Variants in PHACTR2 observed in about 807,000 individuals in gnomAD.
The protein encoded by PHACTR2 is phosphatase and actin regulator 2.
Under a neutral mutation model 76.0 loss-of-function variants are expected in PHACTR2, and 30 were observed. That is an observed-to-expected ratio of 0.39 (90% CI 0.30 to 0.54). The LOEUF (loss-of-function observed/expected upper bound fraction) is 0.54. Among genes scored for constraint, PHACTR2 ranks in the 20% least tolerant of loss-of-function variants. The pLI is 0.61. For missense variants in PHACTR2, 696 were observed against 781.1 expected (o/e 0.89, Z 1.30); for synonymous variants, 292 against 292.5 (o/e 1.00, Z 0.02).
chr6:143,740,710 A>T (rs1360295074), intron 2 of PHACTR2, among the ~76,000 whole-genome samples: 2 of 152,164 alleles, frequency 1.3e-5, no homozygotes, highest in Non-Finnish European at 2.9e-5. Context: ...CTACCATTTT[A>T]AAAATACCCA....
rs550612310 is a variant in PHACTR2, at chr6:143,794,964, C to T, written c.1845+6054C>T. Among the ~76,000 whole-genome samples the T allele has an allele frequency of 2.1e-3, 319 of 152,248 alleles. 2 individuals carry two copies. The highest frequency in any genetic ancestry group is 6.8e-3 in the Middle Eastern group (2 of 294). ...CAATCAGTCAGTAATTAATCAATGC[C>T]TCTCCTTTCTGTGAAGGAGGAAGGC... On this transcript the variant is annotated intron_variant, in intron 11 of 12. Coordinates refer to ENST00000440869, the MANE Select transcript of PHACTR2 (RefSeq NM_001100164.2). The surrounding 1 kb of genome is among the most constrained non-coding windows in gnomAD (Gnocchi z 4.1).
chr6:143,710,840 G>A lies in PHACTR2; in HGVS notation c.47-1176G>A, dbSNP rs1285543866. 2.0e-5 allele frequency among the ~76,000 whole-genome samples: 3 copies of A among 152,118 alleles called. No individual in the cohort carries two copies. The highest frequency in any genetic ancestry group is 7.2e-5 in the African/African-American group (3 of 41,430). ...GAGAAGATAAAAGAATTGGTATCAC[G>A]CCTCATATGCGTATCTACCAGCTGG... On this transcript the variant is annotated intron_variant, in intron 1 of 12. Transcript: ENST00000440869. This position sits in a 1 kb window ranked among gnomAD's most constrained non-coding sequence, Gnocchi z 4.9.
chr6:143,571,326 T>C lies in PHACTR2; in HGVS notation c.217+34119T>C, dbSNP rs1230747532. On this transcript the variant is annotated intron_variant, in intron 1 of 11. Coordinates refer to the PHACTR2 transcript ENST00000367584. The surrounding 1 kb of genome is among the most constrained non-coding windows in gnomAD (Gnocchi z 4.6). ...TACTACAATGAAGAGCTACCTCTTC[T>C]GAGCTATTTATTCATTCAGTTATTT... Among the ~76,000 whole-genome samples the C allele has an allele frequency of 6.6e-6, 1 of 152,258 alleles. No homozygotes were observed. Among genetic ancestry groups the C allele is most frequent in the Non-Finnish European group, 1.5e-5 (1 of 68,044 alleles).
rs1777782353 is a variant in PHACTR2, at chr6:143,696,847, T to C, written c.47-15169T>C. 1.3e-5 allele frequency among the ~76,000 whole-genome samples: 2 copies of C among 152,238 alleles called. No individual in the cohort carries two copies. Among genetic ancestry groups the C allele is most frequent in the African/African-American group, 4.8e-5 (2 of 41,466 alleles). ...CTTGTGTTTGCTCCCCTTAGGGTAC[T>C]GTTCTAACAGGAGATATTTGCTTCA... is the stretch of plus-strand genomic sequence containing the variant. On this transcript the variant is annotated intron_variant, in intron 1 of 12. Coordinates refer to ENST00000440869, the MANE Select transcript of PHACTR2 (RefSeq NM_001100164.2). The surrounding 1 kb of genome is among the most constrained non-coding windows in gnomAD (Gnocchi z 4.1).
At chr6:143,702,720 A>G (rs183615187) in intron 1 of PHACTR2, among the ~76,000 whole-genome samples, 95 of 150,008 alleles carry the variant, frequency 6.3e-4, no homozygotes, top group African/African-American at 2.1e-3. Flanking sequence ...TATAAATTAC[A>G]TTGCTCAGAA....
chr6:143,763,647 G>A (rs114829530), intron 5 of PHACTR2, among the ~76,000 whole-genome samples: 1 of 152,298 alleles, frequency 6.6e-6, no homozygotes, highest in African/African-American at 2.4e-5. Flanking sequence ...CAAAACCATA[G>A]GGATTCCTTT....
At chr6:143,718,230 T>A (rs1778345224) in intron 2 of PHACTR2, among the ~76,000 whole-genome samples, 1 of 152,218 alleles carries the variant, frequency 6.6e-6, no homozygotes, top group Non-Finnish European at 1.5e-5. Flanking sequence ...TATTGAATGC[T>A]GTTAGGTACC....
chr6:143,645,783 T>C (rs1472382194), intron 1 of PHACTR2, among the ~76,000 whole-genome samples: 3 of 152,220 alleles, frequency 2.0e-5, no homozygotes, highest in Non-Finnish European at 2.9e-5. Flanking sequence ...AAAGAGACTG[T>C]ATGTCCCTTC....
rs565502840 is a variant in PHACTR2 at position 143,738,623 on chromosome 6, G to C, written c.215-10362G>C. Among the ~76,000 whole-genome samples, 1 of 151,966 alleles carries C rather than the reference G, an allele frequency of 6.6e-6. No homozygotes were observed. Among genetic ancestry groups the C allele is most frequent in the East Asian group, 1.9e-4 (1 of 5,134 alleles). On this transcript the variant is annotated intron_variant, in intron 2 of 12. Coordinates refer to ENST00000440869, the MANE Select transcript of PHACTR2 (RefSeq NM_001100164.2). The surrounding 1 kb of genome is among the most constrained non-coding windows in gnomAD (Gnocchi z 4.0). ...AAACAAAAATTAGCTGGGCATGGTG[G>C]TGCATGCCTGTAGTCCCAGCTACTT...
chr6:143,625,827 A>T lies in PHACTR2; in HGVS notation c.13+17505A>T, dbSNP rs555247756. On this transcript the variant is annotated intron_variant, in intron 1 of 11. Coordinates refer to the PHACTR2 transcript ENST00000305766. The surrounding 1 kb of genome is among the most constrained non-coding windows in gnomAD (Gnocchi z 4.3). The stretch of plus-strand genomic sequence containing the variant: ...ATTGAAGCCAACAGACAGTGACCAG[A>T]TCAACAAGTAAATGTATGATAAAAT... Among the ~76,000 whole-genome samples the T allele has an allele frequency of 6.6e-6, 1 of 152,348 alleles. No individual in the cohort carries two copies. The highest frequency in any genetic ancestry group is 1.9e-4 in the East Asian group (1 of 5,188).
At chr6:143,682,170 T>C (rs766499982) in intron 1 of PHACTR2, among the ~76,000 whole-genome samples, 1 of 152,256 alleles carries the variant, frequency 6.6e-6, no homozygotes, top group Non-Finnish European at 1.5e-5. Context: ...TACTGCTGTC[T>C]TAACAATATG....
rs906719144 is a variant in PHACTR2, at chr6:143,825,228, TTC to T, written c.*1541_*1542del. ...TTTGGACTACAATTTTCTAAGATGT[TTC>T]TGGTTCAAGACTGTCATTTTCTATT... On this transcript the variant is annotated 3_prime_UTR_variant, in exon 13 of 13. Coordinates refer to ENST00000440869, the MANE Select transcript of PHACTR2 (RefSeq NM_001100164.2). The surrounding 1 kb of genome is among the most constrained non-coding windows in gnomAD (Gnocchi z 4.1). 1 of 152,300 alleles carries T rather than the reference TTC, an allele frequency of 6.6e-6. No individual in the cohort carries two copies. Among genetic ancestry groups the T allele is most frequent in the African/African-American group, 2.4e-5 (1 of 41,466 alleles). 9.4% of individuals were successfully genotyped at this position (152,300 alleles called of 1,614,324 possible).
chr6:143,742,748 G>A lies in PHACTR2; in HGVS notation c.215-6237G>A, dbSNP rs1456979261. 6.6e-6 allele frequency among the ~76,000 whole-genome samples: 1 copy of A among 152,066 alleles called. No homozygotes were observed. On this transcript the variant is annotated intron_variant, in intron 2 of 12. Coordinates refer to ENST00000440869, the MANE Select transcript of PHACTR2 (RefSeq NM_001100164.2). The surrounding 1 kb of genome is among the most constrained non-coding windows in gnomAD (Gnocchi z 4.5). Reference sequence around the variant, plus strand: ...TCCTTCCCCCCAAAAAGACACTTAGGTCCCCAATATCTACTCTGTGCGATA... The same window carrying A: ...TCCTTCCCCCCAAAAAGACACTTAGATCCCCAATATCTACTCTGTGCGATA...
rs373173523 is a variant in PHACTR2, at chr6:143,650,011, T to C, written c.13+41689T>C. Among the ~76,000 whole-genome samples the C allele has an allele frequency of 1.8e-3, 275 of 152,292 alleles. No homozygotes were observed. The South Asian group carries it at 0.022, about 12-fold the overall frequency. On this transcript the variant is annotated intron_variant, in intron 1 of 11. Transcript: ENST00000305766. ...GCAAAGTCTCAGGATACACAATCAA[T>C]GTACAAAAATTATTAGCATTCCTTT...
chr6:143,771,520 T>C (rs1007877074), intron 6 of PHACTR2, among the ~76,000 whole-genome samples: 7 of 151,884 alleles, frequency 4.6e-5, no homozygotes, highest in African/African-American at 1.7e-4. Flanking sequence ...CACTGCAACC[T>C]CCACCTCCCG....
At chr6:143,798,522 A>G (rs1775881672) in intron 11 of PHACTR2, among the ~76,000 whole-genome samples, 1 of 152,196 alleles carries the variant, frequency 6.6e-6, no homozygotes, top group South Asian at 2.1e-4. Context: ...TCAGTATGAT[A>G]TTGTCTGTGG....
At chr6:143,721,821 C>A (rs752121745) in intron 2 of PHACTR2, among the ~76,000 whole-genome samples, 1 of 152,088 alleles carries the variant, frequency 6.6e-6, no homozygotes, top group Non-Finnish European at 1.5e-5. Flanking sequence ...GTTCCTGGCC[C>A]AGTGCAGGTG....
At position 143,771,059 on chromosome 6, in the gene PHACTR2, C is replaced by T. The variant is rs367730521; in HGVS notation, c.1233-1199C>T. Among the ~76,000 whole-genome samples the T allele has an allele frequency of 2.8e-5, 4 of 141,484 alleles. No homozygotes were observed. The East Asian group carries it at 8.2e-4, about 29-fold the overall frequency. The allele number at this position is 141,484 out of a possible 152,430, so 92.8% of individuals were successfully genotyped here. ...AGAGGCAGTTTTAAAAATGAAAACACACATAGGATAAATGAGTTTTTACTA... is the reference window on the plus strand; with the variant it reads ...AGAGGCAGTTTTAAAAATGAAAACATACATAGGATAAATGAGTTTTTACTA... On this transcript the variant is annotated intron_variant, in intron 6 of 12. Transcript: ENST00000440869.
Position 143,827,194 on chromosome 6 carries a change from A to ATATATATG in PHACTR2, c.*3510_*3511insATGTATAT, listed in dbSNP as rs1776563190. The ATATATATG allele has an allele frequency of 5.7e-5, 7 of 121,782 alleles. No homozygotes were observed. The highest frequency in any genetic ancestry group is 1.5e-4 in the African/African-American group (5 of 33,650). 7.5% of individuals were successfully genotyped at this position (121,782 alleles called of 1,614,324 possible). A position where few individuals can be genotyped will look rare whatever the true frequency, so the allele number is the denominator to read the frequency against. ...TATATATATATATATATATATATAT[A>ATATATATG]TATATGTATATTATATATACAGTAG... is the stretch of plus-strand genomic sequence containing the variant. On this transcript the variant is annotated 3_prime_UTR_variant, in exon 13 of 13. Coordinates refer to ENST00000440869, the MANE Select transcript of PHACTR2 (RefSeq NM_001100164.2).
Sources: gnomAD v4.1 joint callset for allele counts (sites outside exome capture counted in the v4.1 genomes callset) on GRCh38, gnomAD v4.1.1 for gene constraint, Gnocchi (gnomAD v3.1) non-coding constraint, MANE v1.5 for transcripts, NCBI Gene and HGNC (gene_info 2026-07-23, HGNC 2026-07-21) for gene names.